Variants in VPS50 observed in about 807,000 individuals in gnomAD.
VPS50 encodes VPS50 subunit of EARP/GARPII complex.
A neutral mutation model predicts 139.7 loss-of-function variants in VPS50; 70 were observed. That is an observed-to-expected ratio of 0.50 (90% CI 0.41 to 0.61). The LOEUF (loss-of-function observed/expected upper bound fraction) is 0.61. Ranked by LOEUF, VPS50 falls within the 20% of genes least tolerant of loss-of-function variation. VPS50 has a pLI of 0.00. For missense variants in VPS50, 921 were observed against 1,133.7 expected, an observed-to-expected ratio of 0.81 and a Z score of 2.69; for synonymous variants, 365 against 376.7, an observed-to-expected ratio of 0.97 and a Z score of 0.36.
At chr7:93,281,818 A>C (rs1254328175) in intron 12 of VPS50, among the ~76,000 whole-genome samples, 2 of 152,254 alleles carry the variant, frequency 1.3e-5, no homozygotes, top group Admixed American at 6.5e-5. Context: ...TCTGCATGCA[A>C]AGCTGGTTCT....
intron 4 of VPS50, among the ~76,000 whole-genome samples, chr7:93,255,251 C>T (rs1287689777): frequency 6.6e-6 from 1 of 152,136 alleles, no homozygotes; most frequent in Non-Finnish European, 1.5e-5. Flanking sequence ...TGCAGTTAGA[C>T]GGTCCCATCT....
intron 9 of VPS50, among the ~76,000 whole-genome samples, chr7:93,270,677 TCCTCTAGCA>T (rs1795977222): frequency 1.3e-5 from 2 of 151,954 alleles, no homozygotes; most frequent in South Asian, 4.1e-4. Flanking sequence ...AGTTTCCCCT[TCCTCTAGCA>T]TCAGATGAGT....
At chr7:93,234,110 G>A (rs1486375730) in intron 1 of VPS50, among the ~76,000 whole-genome samples, 2 of 152,176 alleles carry the variant, frequency 1.3e-5, no homozygotes, top group African/African-American at 2.4e-5. Context: ...AACTGCCTTT[G>A]GAATGCTGAA....
At position 93,360,037 on chromosome 7, in the gene VPS50, C is replaced by G. The variant is rs558665208; in HGVS notation, c.*1601C>G. On this transcript the variant is annotated 3_prime_UTR_variant, in exon 28 of 28. Coordinates refer to ENST00000305866, the MANE Select transcript of VPS50 (RefSeq NM_017667.4). ...TGTAGCCATTATTTATATGCAGCCA[C>G]TTGAAGAAAACAAACATGAGATAAG... 1.3e-5 allele frequency: 2 copies of G among 152,104 alleles called. No homozygotes were observed. The highest frequency in any genetic ancestry group is 6.6e-5 in the Admixed American group (1 of 15,248). 9.4% of individuals were successfully genotyped at this position (152,104 alleles called of 1,614,324 possible). A position where few individuals can be genotyped will look rare whatever the true frequency, so the allele number is the denominator to read the frequency against.
chr7:93,248,912 T>C (rs1795234331), intron 2 of VPS50, among the ~76,000 whole-genome samples: 1 of 152,162 alleles, frequency 6.6e-6, no homozygotes, highest in Non-Finnish European at 1.5e-5. Context: ...ATAGAAGTTA[T>C]GAAATTGTTT....
chr7:93,317,732 T>C (rs1380990780), intron 20 of VPS50, among the ~76,000 whole-genome samples: 2 of 152,232 alleles, frequency 1.3e-5, no homozygotes, highest in Non-Finnish European at 2.9e-5. Context: ...GTTATTTTCC[T>C]AATTGAAATG....
intron 12 of VPS50, among the ~76,000 whole-genome samples, chr7:93,281,361 A>G (rs1478461035): frequency 6.6e-6 from 1 of 152,200 alleles, no homozygotes; most frequent in East Asian, 1.9e-4. Context: ...ATAAAACCCC[A>G]AAGACAGATT....
intron 2 of VPS50, among the ~76,000 whole-genome samples, chr7:93,244,235 C>T (rs1001997357): frequency 6.6e-6 from 1 of 151,836 alleles, no homozygotes; most frequent in African/African-American, 2.4e-5. Context: ...AGCATTTCTA[C>T]TTATATAAAT....
At chr7:93,261,545 G>A (rs568883709) in intron 9 of VPS50, among the ~76,000 whole-genome samples, 1 of 151,866 alleles carries the variant, frequency 6.6e-6, no homozygotes, top group South Asian at 2.1e-4. Flanking sequence ...GGGCCTGGTG[G>A]CGGGCGCCTG....
intron 9 of VPS50, among the ~76,000 whole-genome samples, chr7:93,268,460 T>A (rs941536807): frequency 6.6e-6 from 1 of 152,148 alleles, no homozygotes; most frequent in African/African-American, 2.4e-5. Context: ...GCATTAGCTA[T>A]TTTTCCTGAT....
chr7:93,323,719 G>C lies in VPS50; in HGVS notation c.1964G>C (p.Gly655Ala). The change falls in exon 21 of 28, where the codon GGT becomes GCT. Residue 655 changes from glycine (G) to alanine (A), a missense_variant. By Grantham distance (60) the Gly-to-Ala change is moderately conservative. Transcript: ENST00000305866. ...TTGTATGCAATATATACCTTTTTTGGTCGGAATGATTCAGTAAGTCCACCT... is the reference window on the plus strand; with the variant it reads ...TTGTATGCAATATATACCTTTTTTGCTCGGAATGATTCAGTAAGTCCACCT... ...YYLYAIYTFF[G>A]RNDSLESTGL... is the part of the protein sequence containing the mutation. 7.0e-7 allele frequency: 1 copy of C among 1,419,730 alleles called. No homozygotes were observed. The highest frequency in any genetic ancestry group is 9.4e-7 in the Non-Finnish European group (1 of 1,063,568). The allele number at this position is 1,419,730 out of a possible 1,614,324, so 87.9% of individuals were successfully genotyped here.
chr7:93,353,224 C>A (rs1250822770), intron 25 of VPS50, among the ~76,000 whole-genome samples: 2 of 152,146 alleles, frequency 1.3e-5, no homozygotes, highest in Admixed American at 6.5e-5. Flanking sequence ...AGTATAGATA[C>A]AAATCACAAA....
intron 11 of VPS50, chr7:93,275,924 G>T: frequency 2.3e-6 from 1 of 433,004 alleles, no homozygotes; most frequent in East Asian, 3.6e-5. Context: ...TATAAATAAA[G>T]AACAACAGAG....
chr7:93,348,395 C>T (rs2117080356), intron 23 of VPS50, among the ~76,000 whole-genome samples: 1 of 152,226 alleles, frequency 6.6e-6, no homozygotes, highest in Non-Finnish European at 1.5e-5. Flanking sequence ...CCCTTGTGTT[C>T]TTTTTTCAAC....
chr7:93,249,910 T>C (rs1795269476), intron 2 of VPS50, among the ~76,000 whole-genome samples: 1 of 152,138 alleles, frequency 6.6e-6, no homozygotes, highest in Admixed American at 6.6e-5. Flanking sequence ...GTGTGAGTTT[T>C]AACCAAGTCT....
intron 13 of VPS50, among the ~76,000 whole-genome samples, chr7:93,294,031 A>T (rs951536791): frequency 3.3e-5 from 5 of 152,240 alleles, no homozygotes; most frequent in African/African-American, 1.2e-4. Flanking sequence ...TTGGAGGCAG[A>T]TCACTGATCT....
Position 93,265,741 on chromosome 7 carries a change from A to G in VPS50, c.660-5479A>G, listed in dbSNP as rs75998445. Reference sequence around the variant, plus strand: ...CACTACACCCGGCTATTTTTTAAATATTTTTAGTAGAGATGGGGTTTCATC... The same window carrying G: ...CACTACACCCGGCTATTTTTTAAATGTTTTTAGTAGAGATGGGGTTTCATC... On this transcript the variant is annotated intron_variant, in intron 9 of 27. Coordinates refer to ENST00000305866, the MANE Select transcript of VPS50 (RefSeq NM_017667.4). Among the ~76,000 whole-genome samples the G allele has an allele frequency of 5.5e-4, 83 of 152,044 alleles. 1 individual carries two copies. In the East Asian group the frequency reaches 0.016, roughly 29 times the overall value.
At chr7:93,350,555 C>T (rs1008306236) in intron 25 of VPS50, among the ~76,000 whole-genome samples, 5 of 151,958 alleles carry the variant, frequency 3.3e-5, no homozygotes, top group African/African-American at 7.3e-5. Context: ...ATGTGTCACA[C>T]GCTGATAGAA....
intron 20 of VPS50, 123 bp from the exon 21 acceptor site, chr7:93,323,488 G>A (rs116333229): frequency 0.027 from 7,658 of 286,230 alleles, 572 homozygotes; most frequent in African/African-American, 0.15. Flanking sequence ...GCTACTGTGA[G>A]GGAGTGCAAT....
Sources: gnomAD v4.1 joint callset for allele counts (sites outside exome capture counted in the v4.1 genomes callset) on GRCh38, gnomAD v4.1.1 for gene constraint, MANE v1.5 for transcripts, NCBI Gene and HGNC (gene_info 2026-07-23, HGNC 2026-07-21) for gene names.